Variants in CFAP47 observed in about 807,000 individuals in gnomAD.
CFAP47 encodes cilia- and flagella-associated protein 47.
In CFAP47, 29 loss-of-function variants were observed where a neutral mutation model predicts 148.1. That is an observed-to-expected ratio of 0.20 (90% CI 0.15 to 0.27). The LOEUF is 0.27. Among genes scored for constraint, CFAP47 ranks in the 10% least tolerant of loss-of-function variants. CFAP47 has a pLI of 1.00. For missense variants in CFAP47, 1,872 were observed against 1,697.5 expected, an observed-to-expected ratio of 1.10 and a Z score of -1.81; for synonymous variants, 664 against 577.3, an observed-to-expected ratio of 1.15 and a Z score of -2.15.
intron 26 of CFAP47, among the ~76,000 whole-genome samples, chrX:36,051,816 T>C (rs753532735): frequency 4.5e-5 from 5 of 111,131 alleles, no homozygotes; most frequent in Admixed American, 1.9e-4. Context: ...AAGCTTATCT[T>C]AAATTGTAGC....
At chrX:35,971,059 G>A (rs919920844) in intron 11 of CFAP47, 136 bp downstream of exon 11, 5 of 461,783 alleles carry the variant, frequency 1.1e-5, no homozygotes, top group Non-Finnish European at 3.6e-6. Flanking sequence ...GCAAAACACT[G>A]AGCTGCTTTA....
intron 33 of CFAP47, among the ~76,000 whole-genome samples, chrX:36,128,078 C>G (rs950517406): frequency 3.5e-4 from 39 of 110,838 alleles, no homozygotes; most frequent in Non-Finnish European, 6.4e-4. Flanking sequence ...ATTTGAGTAC[C>G]CTTTATTTCT....
intron 22 of CFAP47, among the ~76,000 whole-genome samples, chrX:36,017,946 T>G (rs1937115311): frequency 9.0e-6 from 1 of 111,390 alleles, no homozygotes; most frequent in Non-Finnish European, 1.9e-5. Flanking sequence ...CTCTGTAGAT[T>G]GCTTTGGGTA....
intron 57 of CFAP47, among the ~76,000 whole-genome samples, chrX:36,323,276 G>A (rs1314421585): frequency 1.8e-5 from 2 of 109,584 alleles, no homozygotes; most frequent in African/African-American, 6.6e-5. Context: ...TAAGTTCTAT[G>A]CTTAAATGAA....
intron 13 of CFAP47, among the ~76,000 whole-genome samples, chrX:35,973,342 A>G (rs776867709): frequency 2.7e-5 from 3 of 110,538 alleles, no homozygotes; most frequent in Non-Finnish European, 5.7e-5. Context: ...GGCATCCGCC[A>G]CCACACCTGG....
chrX:36,120,274 C>A (rs1938719327), intron 33 of CFAP47, among the ~76,000 whole-genome samples: 1 of 110,390 alleles, frequency 9.1e-6, no homozygotes, highest in Non-Finnish European at 1.9e-5. Context: ...TCCCAAAGTG[C>A]TGGGATTACA....
At position 35,934,835 on chromosome X, in the gene CFAP47, G is replaced by A. The variant is rs184629212; in HGVS notation, c.402-6448G>A. On this transcript the variant is annotated intron_variant, in intron 2 of 63. Transcript: ENST00000378653. Reference sequence around the variant, plus strand: ...AGGCAATAGGTTTCCTTCTGGCCCAGGGTGTGTCTAGAAATGTTATGTGTG... The same window carrying A: ...AGGCAATAGGTTTCCTTCTGGCCCAAGGTGTGTCTAGAAATGTTATGTGTG... 4.0e-3 allele frequency among the ~76,000 whole-genome samples: 446 copies of A among 111,452 alleles called. 2 individuals are homozygous for A. Among genetic ancestry groups the A allele is most frequent in the African/African-American group, 0.014 (416 of 30,626 alleles).
intron 55 of CFAP47, among the ~76,000 whole-genome samples, chrX:36,309,602 G>A (rs1556009517): frequency 9.0e-6 from 1 of 110,887 alleles, no homozygotes; most frequent in Non-Finnish European, 1.9e-5. Flanking sequence ...ATAATCGTGG[G>A]ATGTGGTTTA....
At chrX:36,346,557 A>G (rs782704972) in intron 57 of CFAP47, among the ~76,000 whole-genome samples, 58 of 111,696 alleles carry the variant, frequency 5.2e-4, no homozygotes, top group African/African-American at 1.8e-3. Context: ...AGTGGCAGCA[A>G]TTTGGGGGCT....
intron 25 of CFAP47, among the ~76,000 whole-genome samples, chrX:36,039,506 C>A (rs1216215829): frequency 8.9e-6 from 1 of 111,899 alleles, no homozygotes; most frequent in Non-Finnish European, 1.9e-5. Flanking sequence ...CATTTGATAT[C>A]TCAAACGACA....
intron 45 of CFAP47, among the ~76,000 whole-genome samples, chrX:36,210,480 C>T (rs1602048607): frequency 8.9e-6 from 1 of 112,230 alleles, no homozygotes; most frequent in East Asian, 2.8e-4. Context: ...TTTCCATGTG[C>T]TTATTTGCCA....
At chrX:36,184,375 G>A (rs1251621114) in intron 40 of CFAP47, among the ~76,000 whole-genome samples, 2 of 111,046 alleles carry the variant, frequency 1.8e-5, no homozygotes, top group Admixed American at 9.7e-5. Context: ...GCATGCAAGG[G>A]GAAATAAAAG....
intron 25 of CFAP47, among the ~76,000 whole-genome samples, chrX:36,043,166 T>C (rs1163569995): frequency 8.9e-6 from 1 of 112,019 alleles, no homozygotes; most frequent in East Asian, 2.8e-4. Flanking sequence ...AAAGCTTAAA[T>C]ATGAAAGGCC....
intron 49 of CFAP47, among the ~76,000 whole-genome samples, chrX:36,257,275 A>G (rs782296141): frequency 6.3e-5 from 7 of 111,923 alleles, no homozygotes; most frequent in Non-Finnish European, 1.3e-4. Flanking sequence ...GAGAAAGGAT[A>G]TAACAAGAAT....
intron 22 of CFAP47, among the ~76,000 whole-genome samples, chrX:36,018,574 G>A (rs1937123271): frequency 8.9e-6 from 1 of 111,866 alleles, no homozygotes; most frequent in South Asian, 3.7e-4. Flanking sequence ...TTTATCAAGT[G>A]TTCTTTCAGC....
Position 36,138,412 on chromosome X carries a change from G to T in CFAP47, c.5483G>T (p.Cys1828Phe). 8.6e-7 allele frequency: 1 copy of T among 1,167,720 alleles called. No homozygotes were observed. The highest frequency in any genetic ancestry group is 1.1e-6 in the Non-Finnish European group (1 of 877,891). The stretch of plus-strand genomic sequence containing the variant: ...AGTCCTGAAGAGTATCTGCACAATT[G>T]CCTGATTATTGTAAATACTCTTTAT... ...PKSPEEYLHN[C>F]LIIVNTLYEI... Residue 1828 changes from cysteine to phenylalanine, a missense_variant, in exon 35 of 64, where the codon TGC becomes TTC. Cys to Phe is a radical substitution (Grantham distance 205). Coordinates refer to ENST00000378653, the MANE Select transcript of CFAP47 (RefSeq NM_001304548.2).
intron 45 of CFAP47, among the ~76,000 whole-genome samples, chrX:36,209,588 A>G (rs1486808884): frequency 9.0e-6 from 1 of 111,163 alleles, no homozygotes; most frequent in African/African-American, 3.3e-5. Flanking sequence ...AAATTTTATT[A>G]TAGTCTATCT....
At chrX:36,302,286 G>A (rs1941305727) in intron 53 of CFAP47, among the ~76,000 whole-genome samples, 2 of 110,728 alleles carry the variant, frequency 1.8e-5, no homozygotes, top group Admixed American at 9.7e-5. Flanking sequence ...TAAATTTGTA[G>A]TCTAGAATCA....
At chrX:36,211,536 C>T in intron 45 of CFAP47, 2 of 304,179 alleles carry the variant, frequency 6.6e-6, no homozygotes, top group East Asian at 8.7e-5. Context: ...AGATGAAAAG[C>T]AGCCTCATGA....
Sources: gnomAD v4.1 joint callset for allele counts (sites outside exome capture counted in the v4.1 genomes callset) on GRCh38, gnomAD v4.1.1 for gene constraint, MANE v1.5 for transcripts, NCBI Gene and HGNC (gene_info 2026-07-23, HGNC 2026-07-21) for gene names.